Variants in TMEM132B observed in about 807,000 individuals in gnomAD.
TMEM132B encodes transmembrane protein 132B.
TMEM132B carries 18 observed loss-of-function variants against 90.8 expected under a neutral mutation model. The ratio of observed to expected loss-of-function variants is 0.20; its 90% confidence interval spans 0.14 to 0.29. The LOEUF is 0.29. Ranked by LOEUF, TMEM132B falls within the 10% of genes least tolerant of loss-of-function variation. The pLI is 1.00. For synonymous variants in TMEM132B, 504 were observed against 523.3 expected (o/e 0.96, Z 0.50); for missense variants, 1,096 against 1,326.8 (o/e 0.83, Z 2.70).
rs374873815 is a variant in TMEM132B, at chr12:125,355,753, ATG to A, written c.959+5413_959+5414del. 9.8e-4 allele frequency among the ~76,000 whole-genome samples: 149 copies of A among 152,292 alleles called. 1 individual carries two copies. The highest frequency in any genetic ancestry group is 3.5e-3 in the African/African-American group (146 of 41,556). The stretch of plus-strand genomic sequence containing the variant: ...GGTGAGGACCCAGATCAAAGCGTGA[ATG>A]TGCACAAGATTTGCTGAGATCGAAT... On this transcript the variant is annotated intron_variant, in intron 2 of 8. Transcript: ENST00000682704.
At position 125,613,552 on chromosome 12, in the gene TMEM132B, A is replaced by G. The variant is rs529026056; in HGVS notation, c.1437+29558A>G. ...GTGTAACATTTTAATTTCTTTAATG[A>G]TATCTTCACTATTTTTGAGTTATTT... is the stretch of plus-strand genomic sequence containing the variant. On this transcript the variant is annotated intron_variant, in intron 5 of 8. Coordinates refer to ENST00000682704, the MANE Select transcript of TMEM132B (RefSeq NM_001366854.1). Among the ~76,000 whole-genome samples, 18 of 151,946 alleles carry G rather than the reference A, an allele frequency of 1.2e-4. 1 individual carries two copies. In the South Asian group the frequency reaches 3.5e-3, roughly 30 times the overall value.
intron 4 of TMEM132B, among the ~76,000 whole-genome samples, chr12:125,528,209 C>A (rs2136687629): frequency 6.6e-6 from 1 of 152,124 alleles, no homozygotes; most frequent in Non-Finnish European, 1.5e-5. Flanking sequence ...AGGTTTTCTG[C>A]CCAATTACTG....
At chr12:125,602,785 A>G (rs1885601994) in intron 5 of TMEM132B, among the ~76,000 whole-genome samples, 1 of 152,234 alleles carries the variant, frequency 6.6e-6, no homozygotes, top group Non-Finnish European at 1.5e-5. Flanking sequence ...ATACAAAATC[A>G]ATATGCAAAA....
chr12:125,587,939 C>T (rs1301228802), intron 5 of TMEM132B: 1 of 152,110 alleles, frequency 6.6e-6, no homozygotes, highest in East Asian at 1.9e-4. Flanking sequence ...AGTGTTAAGC[C>T]TATTGATGAG....
intron 2 of TMEM132B, among the ~76,000 whole-genome samples, chr12:125,396,697 G>A (rs1879178100): frequency 1.3e-5 from 2 of 152,170 alleles, no homozygotes; most frequent in South Asian, 4.1e-4. Flanking sequence ...TCTGGAGATG[G>A]GATCTTGCTA....
rs1873695120 is a variant in TMEM132B, at chr12:125,226,981, C to CAATAATATTGCTA, written c.67+40115_67+40116insAATAATATTGCTA. On this transcript the variant is annotated intron_variant, in intron 1 of 8. Coordinates refer to ENST00000682704, the MANE Select transcript of TMEM132B (RefSeq NM_001366854.1). The stretch of plus-strand genomic sequence containing the variant: ...TGTCATAAACTGTTAAGTGCTGTAA[C>CAATAATATTGCTA]GGTGTTAGGTAGCAATAATATTGAA... Among the ~76,000 whole-genome samples the CAATAATATTGCTA allele has an allele frequency of 5.3e-5, 8 of 152,226 alleles. No individual in the cohort carries two copies. In the South Asian group the frequency reaches 1.7e-3, roughly 32 times the overall value.
At chr12:125,240,342 A>G (rs1051593013) in intron 1 of TMEM132B, among the ~76,000 whole-genome samples, 4 of 152,038 alleles carry the variant, frequency 2.6e-5, no homozygotes, top group African/African-American at 9.7e-5. Flanking sequence ...CAGAAGTGCT[A>G]TTTGGGTTAA....
chr12:125,643,080 T>G (rs1053600424), intron 5 of TMEM132B, among the ~76,000 whole-genome samples: 4 of 152,114 alleles, frequency 2.6e-5, no homozygotes, highest in African/African-American at 9.7e-5. Flanking sequence ...TGGGCACGTG[T>G]GTCTGGGGCT....
chr12:125,627,529 A>ATT (rs56383586), intron 5 of TMEM132B, among the ~76,000 whole-genome samples: 1 of 151,670 alleles, frequency 6.6e-6, no homozygotes, highest in Admixed American at 6.6e-5. Context: ...GTTTTTTAAC[A>ATT]TTTTTTTAAT....
At chr12:125,203,066 G>C (rs1270458767) in intron 1 of TMEM132B, among the ~76,000 whole-genome samples, 1 of 152,188 alleles carries the variant, frequency 6.6e-6, no homozygotes. Flanking sequence ...CTAGGTTGGA[G>C]AATGTGCAGA....
intron 1 of TMEM132B, among the ~76,000 whole-genome samples, chr12:125,335,096 G>T (rs944533395): frequency 3.9e-5 from 6 of 152,154 alleles, no homozygotes; most frequent in Non-Finnish European, 8.8e-5. Context: ...TCTTCAACTT[G>T]TGTTTTGAAC....
chr12:125,238,564 C>A (rs1293099569), intron 1 of TMEM132B, among the ~76,000 whole-genome samples: 1 of 152,058 alleles, frequency 6.6e-6, no homozygotes, highest in Non-Finnish European at 1.5e-5. Context: ...ATTCAGATGG[C>A]TATTTTGATA....
intron 5 of TMEM132B, among the ~76,000 whole-genome samples, chr12:125,599,034 T>C (rs1885510363): frequency 6.6e-6 from 1 of 152,164 alleles, no homozygotes; most frequent in Non-Finnish European, 1.5e-5. Flanking sequence ...TAGATCTTTG[T>C]AGTGAGGGAG....
intron 1 of TMEM132B, among the ~76,000 whole-genome samples, chr12:125,288,651 G>GT (rs903820625): frequency 3.3e-5 from 5 of 151,922 alleles, no homozygotes; most frequent in Admixed American, 2.0e-4. Flanking sequence ...GTATTTTTAG[G>GT]TTTTTTTCTT....
intron 3 of TMEM132B, among the ~76,000 whole-genome samples, chr12:125,425,936 C>T (rs990627093): frequency 3.9e-5 from 6 of 152,116 alleles, no homozygotes; most frequent in Admixed American, 6.5e-5. Context: ...TGTAGATGTA[C>T]GGTTTCAACT....
In TMEM132B at chr12:125,287,012, C is replaced by CT. The variant is rs34506859; in HGVS notation, c.68-62425dup. 5.1e-3 allele frequency among the ~76,000 whole-genome samples: 730 copies of CT among 142,458 alleles called. 7 individuals carry two copies. The highest frequency in any genetic ancestry group is 7.2e-3 in the Middle Eastern group (2 of 276). 93.5% of individuals were successfully genotyped at this position (142,458 alleles called of 152,430 possible). On this transcript the variant is annotated intron_variant, in intron 1 of 8. Transcript: ENST00000682704. Reference sequence around the variant, plus strand: ...GCCACCAGGTCTGGCCAGAATTCCTCTTTTTTTTTTTTTTTCAGCTTTCTG... The same window carrying CT: ...GCCACCAGGTCTGGCCAGAATTCCTCTTTTTTTTTTTTTTTTCAGCTTTCTG...
chr12:125,202,639 C>G (rs2136058242), intron 1 of TMEM132B, among the ~76,000 whole-genome samples: 1 of 152,366 alleles, frequency 6.6e-6, no homozygotes, highest in East Asian at 1.9e-4. Flanking sequence ...GTAACAATCT[C>G]TGATCACAGA....
intron 5 of TMEM132B, among the ~76,000 whole-genome samples, chr12:125,639,380 C>G (rs1886570918): frequency 1.3e-5 from 2 of 152,232 alleles, no homozygotes; most frequent in Admixed American, 6.5e-5. Context: ...CTTACAGATA[C>G]ACACACTACT....
intron 3 of TMEM132B, among the ~76,000 whole-genome samples, chr12:125,466,414 C>T (rs1388782771): frequency 6.6e-6 from 1 of 152,202 alleles, no homozygotes; most frequent in African/African-American, 2.4e-5. Flanking sequence ...CAGACCTTTT[C>T]AGGTAGTTCT....
Sources: allele counts gnomAD v4.1 joint callset (sites outside exome capture counted in the v4.1 genomes callset), GRCh38; gene constraint gnomAD v4.1.1; transcripts MANE v1.5; gene names NCBI Gene and HGNC (gene_info 2026-07-23, HGNC 2026-07-21).